Variants in DNAH12 observed in about 807,000 individuals in gnomAD.
DNAH12 encodes dynein axonemal heavy chain 12.
A neutral mutation model predicts 371.5 loss-of-function variants in DNAH12; 285 were observed. That is an observed-to-expected ratio of 0.77 (90% CI 0.70 to 0.85). DNAH12 has a LOEUF of 0.85. DNAH12 is among the 40% of genes least tolerant of loss of function. DNAH12 has a pLI of 0.00. For synonymous variants in DNAH12, 1,200 were observed against 1,213.0 expected, an observed-to-expected ratio of 0.99 and a Z score of 0.22; for missense variants, 3,611 against 3,689.4, an observed-to-expected ratio of 0.98 and a Z score of 0.55.
intron 69 of DNAH12, among the ~76,000 whole-genome samples, chr3:57,305,743 A>G (rs1375384154): frequency 6.6e-6 from 1 of 152,184 alleles, no homozygotes; most frequent in Non-Finnish European, 1.5e-5. Context: ...CTTTAAATAA[A>G]GCTCCAAAAA....
chr3:57,498,493 T>C (rs1559722776), intron 11 of DNAH12: 2 of 714,452 alleles, frequency 2.8e-6, no homozygotes, highest in Admixed American at 4.0e-5. Flanking sequence ...AACAGTTTCT[T>C]AAAAAGTTAA....
Position 57,310,840 on chromosome 3 carries a change from T to G in DNAH12, c.10773A>C (p.Leu3591Phe). The change falls in exon 67 of 74, where the codon TTA becomes TTC. Residue 3591 changes from leucine (L) to phenylalanine (F), a missense_variant. This residue lies in a region of DNAH12 where 2,266 missense variants were observed against 2,236.9 expected (regional missense o/e 1.01). Transcript: ENST00000495027. ...GATTATAAAAGTCAGCCAGCATGGT[T>G]AATAGAAGACGTCTGTCCCAATCGT... ...VTDDWDRRLL[L>F]TMLADFYNLY... 3 of 1,551,646 alleles carry G rather than the reference T, an allele frequency of 1.9e-6. No homozygotes were observed. The highest frequency in any genetic ancestry group is 2.6e-6 in the Non-Finnish European group (3 of 1,146,936).
rs1236842576 is a variant in DNAH12 at position 57,323,081 on chromosome 3, T to G, written c.10309A>C (p.Ile3437Leu). 4 of 1,552,412 alleles carry G rather than the reference T, an allele frequency of 2.6e-6. No individual in the cohort carries two copies. The highest frequency in any genetic ancestry group is 3.5e-6 in the Non-Finnish European group (4 of 1,147,144). Residue 3437 changes from isoleucine to leucine, a missense_variant, in exon 64 of 74, where the codon ATA becomes CTA. This residue lies in a region of DNAH12 where 2,266 missense variants were observed against 2,236.9 expected (regional missense o/e 1.01). Coordinates refer to ENST00000495027, the MANE Select transcript of DNAH12 (RefSeq NM_001366028.2). ...GTTTCAGAGGTAAAATCTTCACATA[T>G]TTTTTCCAACATGGGCATCCAGGAC... The part of the protein sequence containing the change: ...AVSWMPMLEK[I>L]CEDFTSETCN...
intron 12 of DNAH12, among the ~76,000 whole-genome samples, chr3:57,485,345 C>G (rs757373861): frequency 2.0e-5 from 3 of 151,994 alleles, no homozygotes; most frequent in Non-Finnish European, 4.4e-5. Flanking sequence ...TACTACTTAG[C>G]CATAAAAAGG....
chr3:57,305,129 ATAAT>A (rs2061441487), intron 69 of DNAH12, among the ~76,000 whole-genome samples: 1 of 152,142 alleles, frequency 6.6e-6, no homozygotes, highest in Admixed American at 6.5e-5. Context: ...CAAGATCTAA[ATAAT>A]TCTTATTGTA....
intron 62 of DNAH12, among the ~76,000 whole-genome samples, chr3:57,334,037 T>C (rs1417388521): frequency 6.6e-6 from 1 of 151,920 alleles, no homozygotes; most frequent in Non-Finnish European, 1.5e-5. Context: ...AGAGATGAAA[T>C]ACACAATTAC....
chr3:57,322,505 G>A (rs924986426), intron 64 of DNAH12, 22 bp from the exon 65 acceptor site: 4 of 1,546,434 alleles, frequency 2.6e-6, no homozygotes, highest in South Asian at 2.4e-5. Context: ...TAAATGGAGA[G>A]CATTATACAA....
chr3:57,336,384 G>C (rs2062222711), intron 60 of DNAH12, among the ~76,000 whole-genome samples: 1 of 151,822 alleles, frequency 6.6e-6, no homozygotes, highest in Non-Finnish European at 1.5e-5. Flanking sequence ...TTAAAGCAAA[G>C]TATGAACATA....
chr3:57,549,435 T>G, the DNAH12 span, among the ~76,000 whole-genome samples: 4 of 148,118 alleles, frequency 2.7e-5, no homozygotes, highest in Non-Finnish European at 6.0e-5. Flanking sequence ...GAGAATCGCT[T>G]GAACCCAGGA....
At chr3:57,436,922 C>T (rs1039672122) in intron 30 of DNAH12, 29 bp downstream of exon 30, 4 of 1,305,376 alleles carry the variant, frequency 3.1e-6, no homozygotes, top group Admixed American at 3.5e-5. Flanking sequence ...TAAGAAATAA[C>T]ATCTAACTAT....
At chr3:57,482,141 A>G (rs2066766091) in intron 13 of DNAH12, among the ~76,000 whole-genome samples, 1 of 152,224 alleles carries the variant, frequency 6.6e-6, no homozygotes, top group Non-Finnish European at 1.5e-5. Context: ...GGCAACCTAC[A>G]GAATGGCAGA....
intron 8 of DNAH12, among the ~76,000 whole-genome samples, chr3:57,504,633 A>G (rs1261046923): frequency 6.6e-6 from 1 of 152,186 alleles, no homozygotes; most frequent in Admixed American, 6.5e-5. Context: ...ATAGGTGTAT[A>G]TAAGGGTTAC....
chr3:57,366,835 G>A lies in DNAH12; in HGVS notation c.9061C>T (p.Pro3021Ser), dbSNP rs2063061687. Residue 3021 changes from proline to serine, a missense_variant, in exon 57 of 74, where the codon CCG becomes TCG. This residue lies in a region of DNAH12 where 2,266 missense variants were observed against 2,236.9 expected (regional missense o/e 1.01). Coordinates refer to ENST00000495027, the MANE Select transcript of DNAH12 (RefSeq NM_001366028.2). ...GTAGCCAGTTCTGGCATATAGTGCG[G>A]GTTTCTCAGTTTTGTGGTGATATAA... ...KFYITTKLRN[P>S]HYMPELATKV... 6.6e-6 allele frequency: 1 copy of A among 152,220 alleles called. No individual in the cohort carries two copies. The allele number at this position is 152,220 out of a possible 1,614,324, so 9.4% of individuals were successfully genotyped here. A position where few individuals can be genotyped will look rare whatever the true frequency, so the allele number is the denominator to read the frequency against.
At chr3:57,487,377 A>G (rs5849210) in intron 12 of DNAH12, among the ~76,000 whole-genome samples, 22 of 111,888 alleles carry the variant, frequency 2.0e-4, no homozygotes, top group East Asian at 4.7e-4. Context: ...AAGAAAGAAA[A>G]AAAAAAAGAA....
At chr3:57,527,128 C>A (rs945484841) in intron 2 of DNAH12, among the ~76,000 whole-genome samples, 6 of 152,150 alleles carry the variant, frequency 3.9e-5, no homozygotes, top group Non-Finnish European at 7.4e-5. Flanking sequence ...CTATTTAGAT[C>A]TTTTGCCTAT....
chr3:57,437,705 C>G (rs1037880723), intron 29 of DNAH12, among the ~76,000 whole-genome samples: 1 of 152,176 alleles, frequency 6.6e-6, no homozygotes, highest in Non-Finnish European at 1.5e-5. Context: ...AAATGCCAAG[C>G]TGGTTCTCCC....
At chr3:57,528,307 C>G (rs2068720150) in intron 2 of DNAH12, among the ~76,000 whole-genome samples, 1 of 151,370 alleles carries the variant, frequency 6.6e-6, no homozygotes, top group East Asian at 2.0e-4. Flanking sequence ...GGATTACAGG[C>G]GTGAGCCACT....
chr3:57,348,949 A>G (rs2062607868), intron 60 of DNAH12, among the ~76,000 whole-genome samples: 1 of 152,216 alleles, frequency 6.6e-6, no homozygotes, highest in Admixed American at 6.5e-5. Flanking sequence ...AACAACAAAC[A>G]AATGCAACAA....
chr3:57,341,684 T>C (rs1210797232), intron 60 of DNAH12, among the ~76,000 whole-genome samples: 1 of 152,010 alleles, frequency 6.6e-6, no homozygotes, highest in Admixed American at 6.6e-5. Context: ...ATGACTCTAC[T>C]ACCCAAGGTG....
Sources: allele counts gnomAD v4.1 joint callset (sites outside exome capture counted in the v4.1 genomes callset), GRCh38; gene constraint gnomAD v4.1.1; regional missense constraint gnomAD v4.1.1; transcripts MANE v1.5; gene names NCBI Gene and HGNC (gene_info 2026-07-23, HGNC 2026-07-21).